The following SMG1 variants were observed in gnomAD, a reference collection of about 807,000 sequenced individuals.
SMG1 encodes the protein serine/threonine-protein kinase SMG1.
A neutral mutation model predicts 419.9 loss-of-function variants in SMG1; 22 were observed. The observed-to-expected ratio is 0.05, with a 90% CI of 0.04 to 0.07. The LOEUF (loss-of-function observed/expected upper bound fraction) is 0.07. SMG1 is among the 10% of genes least tolerant of loss of function. The pLI, the probability that SMG1 is intolerant of heterozygous loss-of-function variation, is 1.00. For synonymous variants in SMG1, 1,538 were observed against 1,553.5 expected (o/e 0.99, Z 0.23); for missense variants, 3,185 against 4,342.0 (o/e 0.73, Z 7.49).
rs1301917086 is a variant in SMG1, at chr16:18,926,295, G to A, written c.-254C>T. On this transcript the variant is annotated 5_prime_UTR_variant, in exon 1 of 63. Coordinates refer to ENST00000446231, the MANE Select transcript of SMG1 (RefSeq NM_015092.5). ...GCGCGGTGAGAGAGAGGCGGATGAA[G>A]GGGAGGCGACGTCTTTTCCAGGGCC... is the stretch of plus-strand genomic sequence containing the variant. 1 of 505,364 alleles carries A rather than the reference G, an allele frequency of 2.0e-6. No homozygotes were observed. The highest frequency in any genetic ancestry group is 3.5e-6 in the Non-Finnish European group (1 of 288,832). The allele number at this position is 505,364 out of a possible 1,614,324, so 31.3% of individuals were successfully genotyped here. A position where few individuals can be genotyped will look rare whatever the true frequency, so the allele number is the denominator to read the frequency against.
Position 18,806,452 on chromosome 16 carries a change from G to A in SMG1, c.*3117C>T, listed in dbSNP as rs1173734833. On this transcript the variant is annotated 3_prime_UTR_variant, in exon 63 of 63. Transcript: ENST00000446231. ...ATTTCAAAAGCAACTCACCACAAGT[G>A]TCAGACACAAAAGAATCTTAATAAT... 1 of 152,498 alleles carries A rather than the reference G, an allele frequency of 6.6e-6. No individual in the cohort carries two copies. The highest frequency in any genetic ancestry group is 6.5e-5 in the Admixed American group (1 of 15,276). The allele number at this position is 152,498 out of a possible 1,614,324, so 9.4% of individuals were successfully genotyped here.
intron 48 of SMG1, 43 bp from the exon 49 acceptor site, chr16:18,835,207 C>T (rs1251800679): frequency 3.2e-6 from 5 of 1,550,664 alleles, no homozygotes; most frequent in Non-Finnish European, 4.4e-6. Context: ...ACACAACCAC[C>T]CCCAACATAC....
At chr16:18,912,311 G>C (rs4780767) in intron 1 of SMG1, among the ~76,000 whole-genome samples, 8 of 151,176 alleles carry the variant, frequency 5.3e-5, no homozygotes, top group African/African-American at 1.9e-4. Flanking sequence ...AGAAGACAGA[G>C]ATAACAATAG....
chr16:18,853,997 C>T, intron 30 of SMG1, 130 bp from the exon 31 acceptor site: 7 of 711,222 alleles, frequency 9.8e-6, no homozygotes, highest in Non-Finnish European at 1.5e-5. Context: ...CTCCTATGCT[C>T]AAGCATAGGA....
Position 18,860,740 on chromosome 16 carries a change from T to G in SMG1, c.3732A>C (p.Glu1244Asp). The G allele has an allele frequency of 1.3e-6, 2 of 1,547,206 alleles. No individual in the cohort carries two copies. Among genetic ancestry groups the G allele is most frequent in the Non-Finnish European group, 1.8e-6 (2 of 1,140,434 alleles). Residue 1244 changes from glutamate (E) to aspartate (D), a missense_variant, in exon 26 of 63, where the codon GAA becomes GAC. By Grantham distance (45) the Glu-to-Asp change is conservative. Around this residue, in one of 27 missense-constraint regions of SMG1, gnomAD observed 120 missense variants for 193.3 expected, o/e 0.62. Coordinates refer to ENST00000446231, the MANE Select transcript of SMG1 (RefSeq NM_015092.5). ...GTAACAATTCTAACTGCTCGGTACA[T>G]TCAACAAATTTTCCAGACTCAAAGC... ...LSSFESGKFV[E>D]CTEQLELLPG...
chr16:18,877,738 A>T (rs1381695519), intron 11 of SMG1: 1 of 153,102 alleles, frequency 6.5e-6, no homozygotes, highest in Non-Finnish European at 1.5e-5. Context: ...TCTAAAAAAT[A>T]GTCTTTTAAT....
chr16:18,882,857 A>G (rs1385042864), intron 9 of SMG1, among the ~76,000 whole-genome samples: 1 of 152,244 alleles, frequency 6.6e-6, no homozygotes, highest in African/African-American at 2.4e-5. Flanking sequence ...GGGATACTAG[A>G]ACCAATGTAT....
chr16:18,867,987 C>T (rs1438945017), intron 22 of SMG1, among the ~76,000 whole-genome samples: 1 of 152,106 alleles, frequency 6.6e-6, no homozygotes, highest in Non-Finnish European at 1.5e-5. Flanking sequence ...GGATTACAGG[C>T]GTGAGCCACC....
At chr16:18,851,156 G>T (rs1207351854) in intron 33 of SMG1, among the ~76,000 whole-genome samples, 1 of 152,256 alleles carries the variant, frequency 6.6e-6, no homozygotes, top group Non-Finnish European at 1.5e-5. Flanking sequence ...TACTGTGCAT[G>T]TATCAGACAC....
rs757314970 is a variant in SMG1 at position 18,842,309 on chromosome 16, T to C, written c.6365A>G (p.His2122Arg). The change falls in exon 40 of 63, where the codon CAT (histidine) becomes CGT (arginine). Residue 2122 changes from histidine (H) to arginine (R), a missense_variant. Physicochemically the swap from His to Arg is conservative, Grantham distance 29. Coordinates refer to ENST00000446231, the MANE Select transcript of SMG1 (RefSeq NM_015092.5). ...GATTGTGATGGTTCCGCCCACACTA[T>C]GGATTGTGACAGTGTCTCTGGCTGA... ...EVSARDTVTI[H>R]SVGGTITILP... 13 of 1,614,008 alleles carry C rather than the reference T, an allele frequency of 8.1e-6. No individual in the cohort carries two copies. The highest frequency in any genetic ancestry group is 1.0e-5 in the Non-Finnish European group (12 of 1,179,886).
intron 5 of SMG1, among the ~76,000 whole-genome samples, chr16:18,890,499 A>T (rs1234122799): frequency 1.3e-5 from 2 of 152,042 alleles, no homozygotes; most frequent in African/African-American, 4.8e-5. Flanking sequence ...AAAATACAAA[A>T]ATTAGCTGGC....
At position 18,834,363 on chromosome 16, in the gene SMG1, G is replaced by C. The variant is rs2033411883; in HGVS notation, c.8406C>G (p.Ala2802=). 6.2e-7 allele frequency: 1 copy of C among 1,613,884 alleles called. No individual in the cohort carries two copies. Among genetic ancestry groups the C allele is most frequent in the African/African-American group, 1.3e-5 (1 of 75,040 alleles). ...QLVDLTSRDG[A]WFLEELCSMS... is the part of the protein sequence containing the mutation. ...TACTGCAGAGTTCCTCCAAGAACCAGGCTCCATCCCGAGAAGTCAGATCAA... is the reference window on the plus strand; with the variant it reads ...TACTGCAGAGTTCCTCCAAGAACCACGCTCCATCCCGAGAAGTCAGATCAA... Residue 2802 remains alanine, a synonymous_variant, in exon 50 of 63, where the codon GCC becomes GCG. Coordinates refer to ENST00000446231, the MANE Select transcript of SMG1 (RefSeq NM_015092.5).
chr16:18,842,112 G>A (rs756258889), intron 40 of SMG1, 96 bp downstream of exon 40: 5 of 1,317,336 alleles, frequency 3.8e-6, no homozygotes, highest in East Asian at 2.5e-5. Context: ...ACAGAAATTC[G>A]CCTGAAATAA....
chr16:18,850,542 C>A (rs1473604359), intron 33 of SMG1, 75 bp from the exon 34 acceptor site: 25 of 1,028,068 alleles, frequency 2.4e-5, no homozygotes, highest in Non-Finnish European at 3.5e-5. Context: ...ATTTGACTAT[C>A]ATAAAAAATT....
In SMG1 at chr16:18,828,087, T is replaced by C. The variant is rs376443329; in HGVS notation, c.9685A>G (p.Met3229Val). Residue 3229 changes from methionine (M) to valine (V), a missense_variant, in exon 55 of 63, where the codon ATG becomes GTG. Physicochemically the swap from Met to Val is conservative, Grantham distance 21. Coordinates refer to ENST00000446231, the MANE Select transcript of SMG1 (RefSeq NM_015092.5). ...PPPRSAILTS[M>V]KKKLHTLSQI... is the part of the protein sequence containing the mutation. ...CTCAGGGTATGCAGCTTCTTTTTCA[T>C]GCTGGTTAGGATAGCAGACCGTGGG... The C allele has an allele frequency of 1.1e-5, 18 of 1,613,456 alleles. No individual in the cohort carries two copies. The highest frequency in any genetic ancestry group is 1.5e-5 in the Non-Finnish European group (18 of 1,179,664).
At chr16:18,854,599 A>G (rs1435911262) in intron 30 of SMG1, 57 bp downstream of exon 30, 2 of 1,480,132 alleles carry the variant, frequency 1.4e-6, no homozygotes, top group East Asian at 4.8e-5. Context: ...ACACAGTAAC[A>G]TTCATATACA....
Position 18,865,237 on chromosome 16 carries a change from G to C in SMG1, c.3351-1093C>G, listed in dbSNP as rs376155196. ...AAAATCACAAAAGGTCACTATATGG[G>C]GCAACTTCTACTATTAGTCATTAAT... On this transcript the variant is annotated intron_variant, in intron 23 of 62. Coordinates refer to ENST00000446231, the MANE Select transcript of SMG1 (RefSeq NM_015092.5). Among the ~76,000 whole-genome samples the C allele has an allele frequency of 5.9e-5, 9 of 152,108 alleles. No homozygotes were observed. In the East Asian group the frequency reaches 1.4e-3, roughly 23 times the overall value.
At chr16:18,869,741 G>A in intron 19 of SMG1, 113 bp downstream of exon 19, 1 of 834,354 alleles carries the variant, frequency 1.2e-6, no homozygotes, top group Admixed American at 2.4e-5. Context: ...TGAGAAGAAT[G>A]TTACTTGATA....
In SMG1 at chr16:18,847,623, A is replaced by G. The variant is rs1279480743; in HGVS notation, c.5842-16T>C. The G allele has an allele frequency of 6.8e-6, 11 of 1,613,702 alleles. No homozygotes were observed. The highest frequency in any genetic ancestry group is 2.2e-5 in the East Asian group (1 of 44,898). ...GCATCTGAACCTGCATACACAGCAC[A>G]CCCAAATAGCTCATCTACAAGCCTA... On this transcript the variant is annotated splice_polypyrimidine_tract_variant and intron_variant, in intron 37 of 62. Transcript: ENST00000446231.
Sources: gnomAD v4.1 joint callset for allele counts (sites outside exome capture counted in the v4.1 genomes callset) on GRCh38, gnomAD v4.1.1 for gene constraint, gnomAD v4.1.1 regional missense constraint, MANE v1.5 for transcripts, NCBI Gene and HGNC (gene_info 2026-07-23, HGNC 2026-07-21) for gene names.